ANK3: variants seen among roughly 807,000 people sequenced by gnomAD.
The protein encoded by ANK3 is ankyrin 3, also known as ankyrin-3.
A neutral mutation model predicts 370.9 loss-of-function variants in ANK3; 57 were observed. The ratio of observed to expected loss-of-function variants is 0.15; its 90% CI spans 0.12 to 0.19. The LOEUF (loss-of-function observed/expected upper bound fraction) is 0.19. Ranked by LOEUF, ANK3 falls within the 10% of genes least tolerant of loss-of-function variation. The pLI is 1.00. For synonymous variants in ANK3, 1,929 were observed against 1,946.3 expected, an observed-to-expected ratio of 0.99 and a Z score of 0.23; for missense variants, 4,439 against 5,302.1, an observed-to-expected ratio of 0.84 and a Z score of 5.06.
chr10:60,269,009 G>A (rs74156439), intron 5 of ANK3, among the ~76,000 whole-genome samples: 48 of 152,336 alleles, frequency 3.2e-4, no homozygotes, highest in African/African-American at 1.1e-3. Context: ...GAGATTAGAT[G>A]CAGTTTATCT....
intron 1 of ANK3, among the ~76,000 whole-genome samples, chr10:60,721,531 A>T (rs1323077720): frequency 6.6e-6 from 1 of 152,222 alleles, no homozygotes; most frequent in African/African-American, 2.4e-5. Flanking sequence ...AAAGGTTTTT[A>T]AACAGAGGAA....
At chr10:60,594,807 G>A (rs2077964728) in intron 2 of ANK3, among the ~76,000 whole-genome samples, 1 of 151,998 alleles carries the variant, frequency 6.6e-6, no homozygotes, top group Admixed American at 6.6e-5. Context: ...CTATGATGAG[G>A]TCTTTGAGAG....
At chr10:60,618,201 T>C (rs2078289742) in intron 1 of ANK3, among the ~76,000 whole-genome samples, 1 of 152,162 alleles carries the variant, frequency 6.6e-6, no homozygotes, top group African/African-American at 2.4e-5. Flanking sequence ...ATTGCAACCA[T>C]GCCACCATGC....
chr10:60,174,382 G>C (rs149357042), intron 18 of ANK3, among the ~76,000 whole-genome samples: 5 of 152,278 alleles, frequency 3.3e-5, no homozygotes, highest in Admixed American at 2.0e-4. Flanking sequence ...CACGATGGAA[G>C]ATATTCCTTT....
chr10:60,510,018 T>G (rs2076040304), intron 2 of ANK3, among the ~76,000 whole-genome samples: 1 of 152,096 alleles, frequency 6.6e-6, no homozygotes, highest in Admixed American at 6.6e-5. Context: ...TCTTCAGACA[T>G]TATATGAATC....
chr10:60,298,440 C>G (rs569527492), intron 1 of ANK3, among the ~76,000 whole-genome samples: 2 of 152,266 alleles, frequency 1.3e-5, no homozygotes, highest in African/African-American at 4.8e-5. Context: ...CCATTCAAGT[C>G]AGAGATGAAG....
intron 4 of ANK3, among the ~76,000 whole-genome samples, chr10:60,271,806 T>C (rs1185253479): frequency 6.6e-6 from 1 of 151,630 alleles, no homozygotes; most frequent in Non-Finnish European, 1.5e-5. Context: ...ATAAATGCGA[T>C]GCCACATAAC....
chr10:60,656,490 C>G (rs1029390280), intron 1 of ANK3, among the ~76,000 whole-genome samples: 1 of 151,672 alleles, frequency 6.6e-6, no homozygotes, highest in East Asian at 1.9e-4. Flanking sequence ...TATGGTTTGT[C>G]TTTTTGTCTA....
At chr10:60,695,136 C>A (rs1014880960) in intron 1 of ANK3, among the ~76,000 whole-genome samples, 2 of 151,796 alleles carry the variant, frequency 1.3e-5, no homozygotes, top group African/African-American at 4.8e-5. Flanking sequence ...CAACAAAGAT[C>A]AAAAGAGACA....
At chr10:60,586,060 C>T (rs541028514) in intron 2 of ANK3, among the ~76,000 whole-genome samples, 2 of 148,096 alleles carry the variant, frequency 1.4e-5, no homozygotes, top group East Asian at 4.0e-4. Flanking sequence ...AAAAAAAAGA[C>T]TTTGACATTT....
intron 1 of ANK3, among the ~76,000 whole-genome samples, chr10:60,340,345 T>C (rs969859734): frequency 1.1e-4 from 16 of 152,208 alleles, no homozygotes; most frequent in African/African-American, 3.6e-4. Flanking sequence ...GCAATCCTCT[T>C]GCTTCAGCCT....
intron 4 of ANK3, among the ~76,000 whole-genome samples, chr10:60,274,638 G>A (rs938297403): frequency 1.3e-5 from 2 of 152,114 alleles, no homozygotes; most frequent in Non-Finnish European, 2.9e-5. Flanking sequence ...CCAGGTCAAA[G>A]GGTAATCCTA....
chr10:60,082,080 C>A, intron 35 of ANK3, 70 bp downstream of exon 35: 1 of 1,289,976 alleles, frequency 7.8e-7, no homozygotes, highest in South Asian at 1.3e-5. Context: ...TAGCCCTCTG[C>A]AACTTCTGTC....
intron 2 of ANK3, among the ~76,000 whole-genome samples, chr10:60,538,242 A>T (rs2076767720): frequency 6.6e-6 from 1 of 152,042 alleles, no homozygotes; most frequent in Non-Finnish European, 1.5e-5. Context: ...AACAAGGATA[A>T]CAGATAAGGG....
In ANK3 at chr10:60,074,166, G is replaced by A. The variant is rs747533848; in HGVS notation, c.6715C>T (p.Arg2239Cys). 38 of 1,613,822 alleles carry A rather than the reference G, an allele frequency of 2.4e-5. No homozygotes were observed. The highest frequency in any genetic ancestry group is 1.5e-4 in the Admixed American group (9 of 59,976). The part of the protein sequence containing the change: ...DHNRVLSKGM[R>C]VKEETHITTT... ...GTTATGTGAGTCTCTTCTTTAACAC[G>A]CATGCCTTTGCTTAAAACCCGATTG... The change falls in exon 37 of 44, where the codon CGT becomes TGT. Residue 2239 changes from arginine to cysteine, a missense_variant. Coordinates refer to ENST00000280772, the MANE Select transcript of ANK3 (RefSeq NM_020987.5).
At chr10:60,081,189 GC>G (rs1315294417) in intron 35 of ANK3, among the ~76,000 whole-genome samples, 1 of 152,258 alleles carries the variant, frequency 6.6e-6, no homozygotes, top group East Asian at 1.9e-4. Context: ...CTGGGATCAA[GC>G]AATTCTGCCT....
chr10:60,692,267 C>A (rs2079365346), intron 1 of ANK3, among the ~76,000 whole-genome samples: 1 of 152,160 alleles, frequency 6.6e-6, no homozygotes, highest in Non-Finnish European at 1.5e-5. Flanking sequence ...AGCACAGGAG[C>A]TCTGCCTCTG....
chr10:60,304,317 G>A (rs1245499098), intron 1 of ANK3, among the ~76,000 whole-genome samples: 1 of 151,884 alleles, frequency 6.6e-6, no homozygotes, highest in Non-Finnish European at 1.5e-5. Context: ...ATATTAATTA[G>A]CTTGACTGTG....
At chr10:60,360,532 G>A (rs913166863) in intron 1 of ANK3, among the ~76,000 whole-genome samples, 9 of 152,068 alleles carry the variant, frequency 5.9e-5, no homozygotes, top group Admixed American at 3.9e-4. Context: ...AACATAGTAA[G>A]ACCCTGTCTC....
Sources: allele counts gnomAD v4.1 joint callset (sites outside exome capture counted in the v4.1 genomes callset), GRCh38; gene constraint gnomAD v4.1.1; transcripts MANE v1.5; gene names NCBI Gene and HGNC (gene_info 2026-07-23, HGNC 2026-07-21).